Variants in KCNMA1 observed in about 807,000 individuals in gnomAD.
KCNMA1 encodes the protein potassium calcium-activated channel subfamily M alpha 1.
Under a neutral mutation model 140.0 loss-of-function variants are expected in KCNMA1, and 29 were observed. The ratio of observed to expected loss-of-function variants is 0.21; its 90% CI spans 0.15 to 0.28. The LOEUF (loss-of-function observed/expected upper bound fraction) is 0.28, where lower values mean the gene tolerates loss of function less well. Among genes scored for constraint, KCNMA1 ranks in the 10% least tolerant of loss-of-function variants. KCNMA1 has a pLI of 1.00. For missense variants in KCNMA1, 880 were observed against 1,602.2 expected (o/e 0.55, Z 7.70); for synonymous variants, 612 against 611.9 (o/e 1.00, Z 0.00).
intron 1 of KCNMA1, among the ~76,000 whole-genome samples, chr10:77,620,967 T>C (rs1462983805): frequency 6.6e-6 from 1 of 152,052 alleles, no homozygotes; most frequent in Non-Finnish European, 1.5e-5. Context: ...AGAGAGGAAA[T>C]GATGTCTTAC....
intron 1 of KCNMA1, among the ~76,000 whole-genome samples, chr10:77,531,452 G>A (rs1386426275): frequency 6.6e-6 from 1 of 152,120 alleles, no homozygotes; most frequent in Non-Finnish European, 1.5e-5. Context: ...CCTCACCCAC[G>A]CCAGCAAGGT....
At chr10:77,122,755 T>G (rs904940075) in intron 5 of KCNMA1, among the ~76,000 whole-genome samples, 1 of 152,322 alleles carries the variant, frequency 6.6e-6, no homozygotes, top group East Asian at 1.9e-4. Context: ...GATCAGTTCT[T>G]AGAGACCAAT....
chr10:77,570,250 G>A (rs1287615447), intron 1 of KCNMA1, among the ~76,000 whole-genome samples: 2 of 145,542 alleles, frequency 1.4e-5, no homozygotes, highest in African/African-American at 2.5e-5. Context: ...TATACCCAAA[G>A]GACTATAAAT....
intron 1 of KCNMA1, among the ~76,000 whole-genome samples, chr10:77,615,481 T>C (rs2089072874): frequency 6.6e-6 from 1 of 152,054 alleles, no homozygotes; most frequent in Admixed American, 6.5e-5. Context: ...ACAATCACAA[T>C]TCTTATAAAA....
At chr10:77,170,358 A>G (rs548976390) in intron 5 of KCNMA1, among the ~76,000 whole-genome samples, 13 of 152,276 alleles carry the variant, frequency 8.5e-5, no homozygotes, top group African/African-American at 1.9e-4. Flanking sequence ...TCACCCTGCT[A>G]TTGGAGAGAG....
rs374624550 is a variant in KCNMA1 at position 77,086,458 on chromosome 10, T to A, written c.1440+30A>T. On this transcript the variant is annotated intron_variant, in intron 11 of 27. Coordinates refer to ENST00000286628, the MANE Select transcript of KCNMA1 (RefSeq NM_001161352.2). ...CCCCCAGACCCACACCAAGATGGAA[T>A]AAAAGCAGAAGTCACCTCTTCCTCC... is the stretch of plus-strand genomic sequence containing the variant. The A allele has an allele frequency of 6.6e-6, 10 of 1,518,730 alleles. No individual in the cohort carries two copies. In the African/African-American group the frequency reaches 6.8e-5, roughly 10 times the overall value. The allele number at this position is 1,518,730 out of a possible 1,614,324, so 94.1% of individuals were successfully genotyped here. A position where few individuals can be genotyped will look rare whatever the true frequency, so the allele number is the denominator to read the frequency against.
chr10:77,492,261 C>G (rs2040218457), intron 1 of KCNMA1, among the ~76,000 whole-genome samples: 1 of 152,208 alleles, frequency 6.6e-6, no homozygotes, highest in Non-Finnish European at 1.5e-5. Context: ...CCACATCCTC[C>G]CCTCTGCTCA....
At chr10:76,927,466 T>A (rs909338997) in intron 23 of KCNMA1, among the ~76,000 whole-genome samples, 24 of 152,240 alleles carry the variant, frequency 1.6e-4, no homozygotes, top group African/African-American at 5.8e-4. Flanking sequence ...ATCTTCATAA[T>A]CAAGATGCTA....
At chr10:77,398,432 C>T (rs1340621161) in intron 2 of KCNMA1, among the ~76,000 whole-genome samples, 4 of 152,202 alleles carry the variant, frequency 2.6e-5, no homozygotes, top group Admixed American at 1.3e-4. Context: ...TTTTAATTTG[C>T]ATGTCTCTGA....
chr10:77,427,472 T>A (rs2097035069), intron 1 of KCNMA1, among the ~76,000 whole-genome samples: 1 of 152,180 alleles, frequency 6.6e-6, no homozygotes, highest in Non-Finnish European at 1.5e-5. Context: ...TGGAGATGAC[T>A]TGGCACAGCA....
chr10:77,188,519 A>C (rs952019420), intron 3 of KCNMA1, among the ~76,000 whole-genome samples: 2 of 152,216 alleles, frequency 1.3e-5, no homozygotes, highest in Admixed American at 1.3e-4. Context: ...CCAGGACTCC[A>C]TGACTGAGCA....
chr10:76,873,679 C>G (rs546757181), downstream of KCNMA1: 3 of 152,276 alleles, frequency 2.0e-5, no homozygotes, highest in African/African-American at 7.2e-5. Flanking sequence ...TACTTAGTCT[C>G]CTAGGAGTCA....
At chr10:77,067,324 A>G (rs1025538677) in intron 14 of KCNMA1, among the ~76,000 whole-genome samples, 2 of 152,164 alleles carry the variant, frequency 1.3e-5, no homozygotes, top group African/African-American at 4.8e-5. Flanking sequence ...TCCTGCCTTC[A>G]GATCTAGACT....
At chr10:77,094,242 C>A (rs2096877755) in intron 9 of KCNMA1, among the ~76,000 whole-genome samples, 1 of 152,180 alleles carries the variant, frequency 6.6e-6, no homozygotes. Context: ...CTCTGAAACT[C>A]TTTCCTTAAG....
At chr10:77,223,978 G>C (rs2050509961) in intron 3 of KCNMA1, among the ~76,000 whole-genome samples, 1 of 152,202 alleles carries the variant, frequency 6.6e-6, no homozygotes. Context: ...GGAGGGCTCA[G>C]ATTGCTTGCT....
chr10:77,234,141 C>T (rs868559684), intron 3 of KCNMA1, among the ~76,000 whole-genome samples: 3 of 152,256 alleles, frequency 2.0e-5, no homozygotes, highest in Middle Eastern at 3.4e-3. Context: ...AAGAAGCAAG[C>T]AGACTTTATC....
At chr10:77,164,496 C>A (rs1166963128) in intron 5 of KCNMA1, among the ~76,000 whole-genome samples, 1 of 151,828 alleles carries the variant, frequency 6.6e-6, no homozygotes, top group Non-Finnish European at 1.5e-5. Flanking sequence ...CTTTGTCCCC[C>A]ACCCTCCTAC....
At chr10:77,311,218 T>C (rs626860) in intron 2 of KCNMA1, among the ~76,000 whole-genome samples, 33,884 of 152,118 alleles carry the variant, frequency 0.22, 4,041 homozygotes, top group Admixed American at 0.27. Context: ...ACAACTCATG[T>C]TAGGGGATGT....
chr10:77,335,666 T>C (rs556146368), intron 2 of KCNMA1, among the ~76,000 whole-genome samples: 97 of 152,230 alleles, frequency 6.4e-4, no homozygotes, highest in Non-Finnish European at 1.2e-3. Context: ...CAGTTGGCTA[T>C]GATGCCATTA....
Sources: gnomAD v4.1 joint callset for allele counts (sites outside exome capture counted in the v4.1 genomes callset) on GRCh38, gnomAD v4.1.1 for gene constraint, MANE v1.5 for transcripts, NCBI Gene and HGNC (gene_info 2026-07-23, HGNC 2026-07-21) for gene names.